BRD10: variants seen among roughly 807,000 people sequenced by gnomAD.
BRD10 encodes the protein bromodomain containing 10.
chr9:5,921,111 A>T, the BRD10 span: 1 of 1,613,908 alleles, frequency 6.2e-7, no homozygotes, highest in Non-Finnish European at 8.5e-7. Context: ...ACAAAATTTG[A>T]GCTTACTGGA....
At chr9:5,916,497 A>G in the BRD10 span, among the ~76,000 whole-genome samples, 5 of 149,280 alleles carry the variant, frequency 3.3e-5, no homozygotes, top group Non-Finnish European at 5.9e-5. Context: ...GTGTGTATAT[A>G]TATGTATGTG....
At chr9:5,955,628 C>T in the BRD10 span, among the ~76,000 whole-genome samples, 1 of 149,404 alleles carries the variant, frequency 6.7e-6, no homozygotes, top group South Asian at 2.1e-4. Context: ...TATGACTGAA[C>T]TGCAAATTTT....
At chr9:5,949,725 G>C in the BRD10 span, among the ~76,000 whole-genome samples, 2 of 152,036 alleles carry the variant, frequency 1.3e-5, no homozygotes, top group African/African-American at 4.8e-5. Context: ...TTATGTTATT[G>C]AGACTCAACA....
chr9:5,900,727 G>A, the BRD10 span, among the ~76,000 whole-genome samples: 1 of 152,142 alleles, frequency 6.6e-6, no homozygotes, highest in Non-Finnish European at 1.5e-5. Flanking sequence ...CCTGAGCCCT[G>A]GAAAACATCT....
the BRD10 span, chr9:5,892,404 G>A: frequency 3.6e-6 from 5 of 1,373,056 alleles, no homozygotes; most frequent in African/African-American, 7.3e-5. Flanking sequence ...TGATGAATAG[G>A]GTGGCTTTGG....
chr9:6,007,648 G>A, the BRD10 span: 23 of 1,604,232 alleles, frequency 1.4e-5, no homozygotes, highest in Admixed American at 1.5e-4. Context: ...CAGCGAGGAG[G>A]CACTCCTTCC....
At chr9:5,940,357 G>A in the BRD10 span, among the ~76,000 whole-genome samples, 1 of 151,902 alleles carries the variant, frequency 6.6e-6, no homozygotes, top group Admixed American at 6.6e-5. Flanking sequence ...CTACAGCCTG[G>A]CTAATTTTTG....
chr9:5,999,013 C>G, the BRD10 span, among the ~76,000 whole-genome samples: 2 of 151,892 alleles, frequency 1.3e-5, no homozygotes, highest in East Asian at 3.9e-4. Context: ...TAAACTGTTA[C>G]AAATATAAAT....
At chr9:5,901,769 G>C in the BRD10 span, among the ~76,000 whole-genome samples, 1 of 151,728 alleles carries the variant, frequency 6.6e-6, no homozygotes, top group African/African-American at 2.4e-5. Context: ...CAATCCACCT[G>C]CCTCAGCCTC....
chr9:5,922,533 T>C, the BRD10 span: 1 of 1,614,014 alleles, frequency 6.2e-7, no homozygotes, highest in African/African-American at 1.3e-5. Flanking sequence ...CCTGGTGAGT[T>C]GACAAAAACT....
At chr9:5,946,917 T>A in the BRD10 span, among the ~76,000 whole-genome samples, 1 of 152,102 alleles carries the variant, frequency 6.6e-6, no homozygotes, top group Admixed American at 6.6e-5. Context: ...TCAACAGATA[T>A]TTATGTTCCA....
the BRD10 span, among the ~76,000 whole-genome samples, chr9:5,958,651 G>GA: frequency 1.5e-4 from 22 of 151,092 alleles, no homozygotes; most frequent in East Asian, 5.8e-4. Context: ...AAAAAGAACA[G>GA]AAAAAAAAAG....
the BRD10 span, among the ~76,000 whole-genome samples, chr9:5,880,732 T>C: frequency 1.3e-5 from 2 of 148,684 alleles, no homozygotes; most frequent in Admixed American, 6.8e-5. Flanking sequence ...TGAGATGAAG[T>C]CTCGCTCTGT....
the BRD10 span, chr9:5,922,132 G>A: frequency 1.2e-5 from 19 of 1,613,832 alleles, 1 homozygote; most frequent in South Asian, 2.1e-4. Flanking sequence ...CAACTCCAGT[G>A]TTCCCACCTC....
At chr9:5,915,871 ATTTG>A in the BRD10 span, among the ~76,000 whole-genome samples, 6 of 152,166 alleles carry the variant, frequency 3.9e-5, no homozygotes, top group African/African-American at 9.7e-5. Flanking sequence ...GATGCCTTGA[ATTTG>A]TTTGATAATT....
chr9:5,939,704 A>C, the BRD10 span, among the ~76,000 whole-genome samples: 1 of 152,202 alleles, frequency 6.6e-6, no homozygotes, highest in East Asian at 1.9e-4. Flanking sequence ...GCCCTTAGCA[A>C]ATACAGGCTT....
At chr9:5,983,323 A>G in the BRD10 span, among the ~76,000 whole-genome samples, 1 of 152,188 alleles carries the variant, frequency 6.6e-6, no homozygotes, top group African/African-American at 2.4e-5. Context: ...ACTGTTCTAC[A>G]AGAAATTTAA....
the BRD10 span, chr9:5,924,879 A>T: frequency 7.5e-7 from 1 of 1,331,024 alleles, no homozygotes; most frequent in Non-Finnish European, 9.9e-7. Flanking sequence ...TAAATAATAC[A>T]TATGATTTAA....
chr9:5,903,961 G>A, the BRD10 span, among the ~76,000 whole-genome samples: 1 of 151,898 alleles, frequency 6.6e-6, no homozygotes, highest in African/African-American at 2.4e-5. Context: ...GGGTTCAAGT[G>A]ATTCTCCTGC....
Sources: allele counts gnomAD v4.1 joint callset (sites outside exome capture counted in the v4.1 genomes callset), GRCh38; gene constraint gnomAD v4.1.1; transcripts MANE v1.5; gene names NCBI Gene and HGNC (gene_info 2026-07-23, HGNC 2026-07-21).